Variants in DGKG observed in about 807,000 individuals in gnomAD.
DGKG encodes the protein diacylglycerol kinase gamma.
Under a neutral mutation model 105.3 loss-of-function variants are expected in DGKG, and 78 were observed. The observed-to-expected ratio is 0.74, with a 90% CI of 0.62 to 0.89. DGKG has a LOEUF of 0.89. DGKG is among the 40% of genes least tolerant of loss of function. DGKG has a pLI of 0.00. For synonymous variants in DGKG, 346 were observed against 367.1 expected, an observed-to-expected ratio of 0.94 and a Z score of 0.66; for missense variants, 958 against 1,020.1, an observed-to-expected ratio of 0.94 and a Z score of 0.83.
chr3:186,350,697 A>T (rs1308062249), intron 1 of DGKG, among the ~76,000 whole-genome samples: 1 of 152,216 alleles, frequency 6.6e-6, no homozygotes, highest in Non-Finnish European at 1.5e-5. Flanking sequence ...ACCACTTCAC[A>T]TTCCCATCAG....
At chr3:186,162,606 C>T (rs191511619) in intron 23 of DGKG, among the ~76,000 whole-genome samples, 1 of 152,294 alleles carries the variant, frequency 6.6e-6, no homozygotes, top group African/African-American at 2.4e-5. Flanking sequence ...GTGGCACCAT[C>T]TCGGCTCACT....
chr3:186,323,754 G>C (rs1340925635), intron 1 of DGKG, among the ~76,000 whole-genome samples: 2 of 152,082 alleles, frequency 1.3e-5, no homozygotes, highest in Non-Finnish European at 2.9e-5. Context: ...GGCTAACACA[G>C]TGAAACCCCG....
chr3:186,174,759 C>T (rs1201656523), intron 22 of DGKG, among the ~76,000 whole-genome samples: 2 of 151,510 alleles, frequency 1.3e-5, no homozygotes, highest in Non-Finnish European at 2.9e-5. Context: ...AAGGTGGGAG[C>T]AGAGCAGGTT....
chr3:186,355,009 A>C (rs1372021627), intron 1 of DGKG, among the ~76,000 whole-genome samples: 1 of 152,052 alleles, frequency 6.6e-6, no homozygotes, highest in African/African-American at 2.4e-5. Context: ...TATATCTCTA[A>C]TCCTAATTGA....
intron 21 of DGKG, among the ~76,000 whole-genome samples, chr3:186,197,778 A>G (rs181524829): frequency 7.2e-4 from 109 of 152,290 alleles, no homozygotes; most frequent in African/African-American, 2.3e-3. Context: ...GTTGCGGACT[A>G]CTTACATTGT....
At chr3:186,341,816 C>T (rs563793928) in intron 1 of DGKG, among the ~76,000 whole-genome samples, 131 of 152,254 alleles carry the variant, frequency 8.6e-4, no homozygotes, top group African/African-American at 3.0e-3. Flanking sequence ...CACATATACA[C>T]CATGGAATAC....
At chr3:186,202,691 A>G (rs1718530489) in intron 21 of DGKG, among the ~76,000 whole-genome samples, 1 of 152,178 alleles carries the variant, frequency 6.6e-6, no homozygotes, top group East Asian at 1.9e-4. Flanking sequence ...TGGGGCTGGG[A>G]CAGAAGTTGG....
chr3:186,311,391 A>G (rs1724535384), intron 2 of DGKG, among the ~76,000 whole-genome samples: 1 of 152,224 alleles, frequency 6.6e-6, no homozygotes, highest in Non-Finnish European at 1.5e-5. Flanking sequence ...GGACAACACC[A>G]AAGAACTCTA....
intron 1 of DGKG, among the ~76,000 whole-genome samples, chr3:186,355,556 C>A (rs1726906060): frequency 6.6e-6 from 1 of 151,472 alleles, no homozygotes. Context: ...ACCACCACCA[C>A]CACCTTACCA....
chr3:186,183,135 C>T (rs553666427), intron 22 of DGKG, among the ~76,000 whole-genome samples: 5 of 152,272 alleles, frequency 3.3e-5, no homozygotes, highest in African/African-American at 1.2e-4. Context: ...TTCCTGAGTG[C>T]GTGGCTGATG....
At chr3:186,209,088 C>CTTTTTT (rs1560096022) in intron 21 of DGKG, among the ~76,000 whole-genome samples, 10 of 124,900 alleles carry the variant, frequency 8.0e-5, no homozygotes, top group African/African-American at 3.3e-4. Context: ...CTTCAGTTTA[C>CTTTTTT]TCTTCTTTTT....
chr3:186,320,098 T>C (rs1725007915), intron 2 of DGKG, among the ~76,000 whole-genome samples: 1 of 152,200 alleles, frequency 6.6e-6, no homozygotes, highest in Admixed American at 6.5e-5. Flanking sequence ...TAAAGCAATA[T>C]GCACAGCAGG....
chr3:186,254,751 G>A (rs1721384405), intron 17 of DGKG, among the ~76,000 whole-genome samples: 1 of 152,084 alleles, frequency 6.6e-6, no homozygotes, highest in South Asian at 2.1e-4. Flanking sequence ...TCCGCCTCCA[G>A]TTCCACCCTC....
At chr3:186,300,183 C>T (rs1397138506) in intron 3 of DGKG, among the ~76,000 whole-genome samples, 1 of 152,118 alleles carries the variant, frequency 6.6e-6, no homozygotes, top group Non-Finnish European at 1.5e-5. Flanking sequence ...TGATTCCATC[C>T]TCGCTGGCTC....
rs755155236 is a variant in DGKG, at chr3:186,164,950, C to T, written c.2164G>A (p.Gly722Ser). The T allele has an allele frequency of 1.3e-5, 21 of 1,613,934 alleles. No homozygotes were observed. In the East Asian group the frequency reaches 1.6e-4, roughly 12 times the overall value. Residue 722 changes from glycine (G) to serine (S), a missense_variant, in exon 23 of 25, where the codon GGC (glycine) becomes AGC (serine). By Grantham distance (56) the Gly-to-Ser change is moderately conservative. Transcript: ENST00000265022. ...AGCCTCCTGCCTGCACTCTTCAGGC[C>T]GGTGTAGATCTGCCCCATCTCCATG... is the stretch of plus-strand genomic sequence containing the variant. The part of the protein sequence containing the change: ...GAMEMGQIYT[G>S]LKSAGRRLAQ...
intron 6 of DGKG, among the ~76,000 whole-genome samples, chr3:186,285,189 T>C (rs778564145): frequency 2.0e-5 from 3 of 152,222 alleles, no homozygotes; most frequent in Non-Finnish European, 4.4e-5. Context: ...GTGGAGAGAA[T>C]AATAGTTGGT....
In DGKG at chr3:186,260,482, G is replaced by C; in HGVS notation, c.1381C>G (p.Pro461Ala). Residue 461 changes from proline (P) to alanine (A), a missense_variant, in exon 16 of 25, where the codon CCC (proline) becomes GCC (alanine). Pro to Ala is a conservative substitution (Grantham distance 27, BLOSUM62 -1). Coordinates refer to ENST00000265022, the MANE Select transcript of DGKG (RefSeq NM_001346.3). ...ILRKFHYLLNPKQVFNLDNGG... is the reference protein window; with the variant it reads ...ILRKFHYLLNAKQVFNLDNGG... ...TTGTCCAGGTTGAAAACTTGTTTGG[G>C]GTTGAGCAGATAGTGGAATTTCCGA... is the stretch of plus-strand genomic sequence containing the variant. The C allele has an allele frequency of 6.2e-7, 1 of 1,613,574 alleles. No individual in the cohort carries two copies. The highest frequency in any genetic ancestry group is 8.5e-7 in the Non-Finnish European group (1 of 1,179,526).
chr3:186,214,622 T>A (rs1196915848), intron 20 of DGKG, among the ~76,000 whole-genome samples: 1 of 152,192 alleles, frequency 6.6e-6, no homozygotes, highest in African/African-American at 2.4e-5. Context: ...TTTTCCAGAG[T>A]CATACCATGC....
chr3:186,175,708 G>A (rs1197445120), intron 22 of DGKG, among the ~76,000 whole-genome samples: 1 of 152,170 alleles, frequency 6.6e-6, no homozygotes, highest in African/African-American at 2.4e-5. Flanking sequence ...GCAGCCTAGA[G>A]CTTTACAAAG....
Sources: allele counts gnomAD v4.1 joint callset (sites outside exome capture counted in the v4.1 genomes callset), GRCh38; gene constraint gnomAD v4.1.1; transcripts MANE v1.5; gene names NCBI Gene and HGNC (gene_info 2026-07-23, HGNC 2026-07-21).